LRP1B: variants seen among roughly 807,000 people sequenced by gnomAD.
LRP1B encodes LDL receptor related protein 1B, also known as low-density lipoprotein receptor-related protein 1B.
LRP1B carries 217 observed loss-of-function variants against 556.6 expected under a neutral mutation model. That is an observed-to-expected ratio of 0.39 (90% confidence interval 0.35 to 0.44). The LOEUF is 0.44. Among genes scored for constraint, LRP1B ranks in the 20% least tolerant of loss-of-function variants. The probability of loss-of-function intolerance (pLI) is 1.00; values close to 1 mark genes in which losing one functional copy is unlikely to be tolerated. For missense variants in LRP1B, 5,053 were observed against 5,620.8 expected (o/e 0.90, Z 3.23); for synonymous variants, 2,047 against 1,865.8 (o/e 1.10, Z -2.50).
Position 141,538,627 on chromosome 2 carries a change from GA to G in LRP1B, c.206-58095del, listed in dbSNP as rs553975691. ...CATAGGTTAGAGAAAAAGACACCCTGAAAAAAACTTCTTTTTTTTTTTTTTT... is the reference window on the plus strand; with the variant it reads ...CATAGGTTAGAGAAAAAGACACCCTGAAAAAACTTCTTTTTTTTTTTTTTT... On this transcript the variant is annotated intron_variant, in intron 2 of 90. Transcript: ENST00000389484. Among the ~76,000 whole-genome samples, 312 of 135,476 alleles carry G rather than the reference GA, an allele frequency of 2.3e-3. 1 individual carries two copies. Among genetic ancestry groups the G allele is most frequent in the African/African-American group, 7.8e-3 (301 of 38,808 alleles). The allele number at this position is 135,476 out of a possible 152,430, so 88.9% of individuals were successfully genotyped here. A position where few individuals can be genotyped will look rare whatever the true frequency, so the allele number is the denominator to read the frequency against.
intron 25 of LRP1B, among the ~76,000 whole-genome samples, chr2:140,874,996 C>A (rs527589232): frequency 1.9e-4 from 28 of 149,324 alleles, no homozygotes; most frequent in African/African-American, 6.7e-4. Context: ...ATACCCTGTG[C>A]AACAAAAGCA....
Position 141,259,319 on chromosome 2 carries a change from A to T in LRP1B, c.344-4678T>A, listed in dbSNP as rs1004581860. On this transcript the variant is annotated intron_variant, in intron 3 of 90. Transcript: ENST00000389484. The stretch of plus-strand genomic sequence containing the variant: ...TACCTCCAACTGTTTCAGTAATTTC[A>T]GGCTATATGAGTGTGGCAGAGAATA... Among the ~76,000 whole-genome samples the T allele has an allele frequency of 3.7e-4, 23 of 62,594 alleles. No homozygotes were observed. The East Asian group carries it at 6.5e-3, about 18-fold the overall frequency. The allele number at this position is 62,594 out of a possible 152,430, so 41.1% of individuals were successfully genotyped here.
chr2:141,123,445 G>T (rs1322888830), intron 7 of LRP1B, among the ~76,000 whole-genome samples: 2 of 151,488 alleles, frequency 1.3e-5, no homozygotes, highest in African/African-American at 4.9e-5. Context: ...TTATTAATCT[G>T]GTATCTGGTT....
chr2:141,670,671 T>G (rs1326049864), intron 2 of LRP1B, among the ~76,000 whole-genome samples: 1 of 152,222 alleles, frequency 6.6e-6, no homozygotes, highest in African/African-American at 2.4e-5. Context: ...GTAGACATAT[T>G]AAAACAATAA....
At chr2:140,769,952 C>T (rs918681283) in intron 34 of LRP1B, among the ~76,000 whole-genome samples, 1 of 151,868 alleles carries the variant, frequency 6.6e-6, no homozygotes, top group African/African-American at 2.4e-5. Context: ...CCCAAATAGG[C>T]ACATAAATAT....
chr2:141,734,498 A>C (rs1003302219), intron 2 of LRP1B, among the ~76,000 whole-genome samples: 1 of 152,054 alleles, frequency 6.6e-6, no homozygotes, highest in African/African-American at 2.4e-5. Flanking sequence ...GTGAGAGCAA[A>C]ACAAAAAGAT....
At chr2:141,859,032 C>T (rs1698157768) in intron 1 of LRP1B, among the ~76,000 whole-genome samples, 1 of 151,860 alleles carries the variant, frequency 6.6e-6, no homozygotes, top group African/African-American at 2.4e-5. Flanking sequence ...CTCTCTTTCC[C>T]CCTCTAGGGC....
chr2:140,424,592 A>T (rs1685580071), intron 66 of LRP1B, among the ~76,000 whole-genome samples: 1 of 152,220 alleles, frequency 6.6e-6, no homozygotes, highest in African/African-American at 2.4e-5. Flanking sequence ...AAACTGAGAT[A>T]ATCTTGGAAT....
intron 1 of LRP1B, among the ~76,000 whole-genome samples, chr2:141,916,456 C>A (rs1036639034): frequency 6.6e-6 from 1 of 151,924 alleles, no homozygotes; most frequent in Non-Finnish European, 1.5e-5. Flanking sequence ...GCTCCACCTC[C>A]TGGGTTCACG....
chr2:141,697,432 T>C (rs1021997467), intron 2 of LRP1B, among the ~76,000 whole-genome samples: 1 of 151,982 alleles, frequency 6.6e-6, no homozygotes, highest in Admixed American at 6.6e-5. Flanking sequence ...AAAGAGGCAG[T>C]AAATATGACA....
chr2:140,639,079 T>A (rs1286335230), intron 41 of LRP1B, among the ~76,000 whole-genome samples: 1 of 152,166 alleles, frequency 6.6e-6, no homozygotes, highest in Non-Finnish European at 1.5e-5. Flanking sequence ...AAGCGATATA[T>A]TCTTGAGAGG....
At chr2:141,095,179 G>C (rs996391719) in intron 7 of LRP1B, among the ~76,000 whole-genome samples, 1 of 151,630 alleles carries the variant, frequency 6.6e-6, no homozygotes, top group Admixed American at 6.6e-5. Context: ...CCAGAGCTGT[G>C]AGAAGTAAAT....
intron 33 of LRP1B, among the ~76,000 whole-genome samples, chr2:140,772,994 G>A (rs187533739): frequency 1.6e-4 from 24 of 152,174 alleles, no homozygotes; most frequent in Admixed American, 7.2e-4. Flanking sequence ...AACTACTCGG[G>A]AGGCTGAGGC....
intron 2 of LRP1B, among the ~76,000 whole-genome samples, chr2:141,599,941 C>T (rs1395021182): frequency 1.3e-5 from 2 of 152,058 alleles, no homozygotes; most frequent in Non-Finnish European, 2.9e-5. Flanking sequence ...TGCCTCCACT[C>T]ACTCCCTGCC....
At chr2:141,656,233 T>C (rs542659315) in intron 2 of LRP1B, among the ~76,000 whole-genome samples, 1 of 152,258 alleles carries the variant, frequency 6.6e-6, no homozygotes, top group South Asian at 2.1e-4. Flanking sequence ...TGATATGTGG[T>C]TGTCATACAA....
chr2:141,420,344 C>T (rs1342147151), intron 3 of LRP1B, among the ~76,000 whole-genome samples: 1 of 152,168 alleles, frequency 6.6e-6, no homozygotes, highest in Non-Finnish European at 1.5e-5. Flanking sequence ...AGCCACGTAT[C>T]CCAGTCTTTA....
At chr2:141,519,150 G>C (rs1684435343) in intron 2 of LRP1B, among the ~76,000 whole-genome samples, 1 of 151,750 alleles carries the variant, frequency 6.6e-6, no homozygotes, top group Non-Finnish European at 1.5e-5. Context: ...GTGCTGTCAA[G>C]ACTATTTCTT....
intron 35 of LRP1B, among the ~76,000 whole-genome samples, chr2:140,748,728 AATATTATATG>A (rs1688442035): frequency 8.1e-6 from 1 of 123,554 alleles, no homozygotes; most frequent in Non-Finnish European, 1.7e-5. Context: ...CATATATATG[AATATTATATG>A]TATATAATAT....
chr2:141,057,765 G>A (rs1363133831), intron 9 of LRP1B, among the ~76,000 whole-genome samples: 3 of 151,758 alleles, frequency 2.0e-5, no homozygotes, highest in Non-Finnish European at 4.4e-5. Context: ...GCCCAGTCTT[G>A]GGTACGTCTT....
Sources: allele counts gnomAD v4.1 joint callset (sites outside exome capture counted in the v4.1 genomes callset), GRCh38; gene constraint gnomAD v4.1.1; transcripts MANE v1.5; gene names NCBI Gene and HGNC (gene_info 2026-07-23, HGNC 2026-07-21).